The following GPR137B variants were observed in gnomAD, a reference collection of about 807,000 sequenced individuals.
The protein encoded by GPR137B is G protein-coupled receptor 137B.
Under a neutral mutation model 42.5 loss-of-function variants are expected in GPR137B, and 42 were observed. The ratio of observed to expected loss-of-function variants is 0.99; its 90% CI spans 0.77 to 1.28. GPR137B has a LOEUF of 1.28. Among genes scored for constraint, GPR137B ranks in the 50% most tolerant of loss-of-function variants. The pLI, the probability that GPR137B is intolerant of heterozygous loss-of-function variation, is 0.00. For missense variants in GPR137B, 487 were observed against 493.9 expected, an observed-to-expected ratio of 0.99 and a Z score of 0.13; for synonymous variants, 218 against 209.7, an observed-to-expected ratio of 1.04 and a Z score of -0.34.
intron 1 of GPR137B, among the ~76,000 whole-genome samples, chr1:236,153,944 G>A (rs753313659): frequency 2.6e-5 from 4 of 152,218 alleles, no homozygotes; most frequent in Non-Finnish European, 4.4e-5. Context: ...GATGGCTGTG[G>A]AGGGAACTTC....
At chr1:236,154,810 G>A (rs554127919) in intron 1 of GPR137B, among the ~76,000 whole-genome samples, 1 of 152,240 alleles carries the variant, frequency 6.6e-6, no homozygotes, top group Non-Finnish European at 1.5e-5. Context: ...ACGATGGTAC[G>A]ACACTGCACA....
chr1:236,157,001 G>T (rs1334224405), intron 1 of GPR137B, among the ~76,000 whole-genome samples: 1 of 152,192 alleles, frequency 6.6e-6, no homozygotes, highest in Non-Finnish European at 1.5e-5. Context: ...AGGGGTTGCA[G>T]CCACCCACGT....
chr1:236,163,895 A>ACACCGCCTCACG, intron 1 of GPR137B, among the ~76,000 whole-genome samples: 1 of 149,516 alleles, frequency 6.7e-6, no homozygotes, highest in African/African-American at 2.5e-5. Context: ...ACTGCCTCAC[A>ACACCGCCTCACG]CTTCCCACAC....
chr1:236,208,317 C>CTGAT lies in GPR137B; in HGVS notation c.*160_*163dup, dbSNP rs1663726563. On this transcript the variant is annotated 3_prime_UTR_variant, in exon 7 of 7. Transcript: ENST00000366592. ...CCATAGGAATAAGCAATAATGTAGA[C>CTGAT]TGATAAACCCTTATTTTAGTACTAA... The CTGAT allele has an allele frequency of 3.6e-6, 5 of 1,386,666 alleles. No homozygotes were observed. The highest frequency in any genetic ancestry group is 4.7e-6 in the Non-Finnish European group (5 of 1,070,564). The allele number at this position is 1,386,666 out of a possible 1,614,324, so 85.9% of individuals were successfully genotyped here.
chr1:236,149,173 T>C (rs937876321), intron 1 of GPR137B, among the ~76,000 whole-genome samples: 1 of 152,148 alleles, frequency 6.6e-6, no homozygotes, highest in Non-Finnish European at 1.5e-5. Flanking sequence ...CAAAATTACT[T>C]TTCCACCAAA....
chr1:236,177,141 T>C (rs1457922180), intron 2 of GPR137B, among the ~76,000 whole-genome samples: 1 of 152,006 alleles, frequency 6.6e-6, no homozygotes, highest in African/African-American at 2.4e-5. Context: ...TGCCAGTGGG[T>C]AAATTATTAA....
chr1:236,174,316 C>T (rs146400459), intron 2 of GPR137B, among the ~76,000 whole-genome samples: 8 of 152,266 alleles, frequency 5.3e-5, no homozygotes, highest in Admixed American at 4.6e-4. Flanking sequence ...AGGTTCCAGG[C>T]AGAAAAGTCA....
At chr1:236,207,992 C>T in intron 6 of GPR137B, 58 bp from the exon 7 acceptor site, 2 of 1,238,646 alleles carry the variant, frequency 1.6e-6, no homozygotes. Context: ...CTAAACTAGA[C>T]TATGTCATAC....
intron 1 of GPR137B, among the ~76,000 whole-genome samples, chr1:236,154,870 C>T (rs564305854): frequency 1.5e-4 from 23 of 152,314 alleles, no homozygotes; most frequent in Admixed American, 4.6e-4. Context: ...AGTGGGCCAG[C>T]GCTGGCCACC....
intron 2 of GPR137B, among the ~76,000 whole-genome samples, chr1:236,174,551 G>A (rs1047081278): frequency 2.0e-5 from 3 of 152,152 alleles, no homozygotes; most frequent in Admixed American, 6.6e-5. Flanking sequence ...TGGATAGAGT[G>A]GGAATGAAGA....
intron 3 of GPR137B, among the ~76,000 whole-genome samples, chr1:236,178,944 C>T (rs1662786874): frequency 6.6e-6 from 1 of 151,194 alleles, no homozygotes; most frequent in Non-Finnish European, 1.5e-5. Flanking sequence ...ACTACAGGCA[C>T]CCACCACTAC....
chr1:236,196,831 C>T (rs1225540180), intron 5 of GPR137B, among the ~76,000 whole-genome samples: 1 of 152,080 alleles, frequency 6.6e-6, no homozygotes, highest in Non-Finnish European at 1.5e-5. Flanking sequence ...TATATATATA[C>T]CATTTTTCTT....
At chr1:236,143,562 A>G (rs1260649793) in intron 1 of GPR137B, among the ~76,000 whole-genome samples, 3 of 152,220 alleles carry the variant, frequency 2.0e-5, no homozygotes, top group Non-Finnish European at 4.4e-5. Context: ...CCTCCGGCTT[A>G]GGAGCTCTAC....
At chr1:236,198,299 G>C (rs1663397560) in intron 5 of GPR137B, among the ~76,000 whole-genome samples, 1 of 151,990 alleles carries the variant, frequency 6.6e-6, no homozygotes, top group African/African-American at 2.4e-5. Context: ...GTGCCTCCCA[G>C]GTTCAAGTAA....
chr1:236,153,244 A>G (rs1376984862), intron 1 of GPR137B, among the ~76,000 whole-genome samples: 1 of 152,064 alleles, frequency 6.6e-6, no homozygotes, highest in South Asian at 2.1e-4. Context: ...ATCACCCCCA[A>G]AGGAAACTTT....
chr1:236,145,078 G>A (rs956919025), intron 1 of GPR137B, among the ~76,000 whole-genome samples: 2 of 152,204 alleles, frequency 1.3e-5, no homozygotes, highest in African/African-American at 4.8e-5. Flanking sequence ...AAGGCTTTTC[G>A]CCTGAGGGCA....
chr1:236,157,557 C>T (rs1038619518), intron 1 of GPR137B, among the ~76,000 whole-genome samples: 2 of 152,176 alleles, frequency 1.3e-5, no homozygotes, highest in African/African-American at 4.8e-5. Flanking sequence ...CTGTGTCCCT[C>T]TGTCAGAGAG....
chr1:236,173,997 A>G (rs1350032995), intron 2 of GPR137B, among the ~76,000 whole-genome samples: 2 of 152,202 alleles, frequency 1.3e-5, no homozygotes, highest in African/African-American at 4.8e-5. Flanking sequence ...GAAAGCAAGC[A>G]AGTCCACTGA....
chr1:236,207,209 T>G, intron 6 of GPR137B: 2 of 985,070 alleles, frequency 2.0e-6, no homozygotes, highest in Non-Finnish European at 2.4e-6. Context: ...CCTGGTCAGA[T>G]AGGATAAAAG....
Sources: gnomAD v4.1 joint callset for allele counts (sites outside exome capture counted in the v4.1 genomes callset) on GRCh38, gnomAD v4.1.1 for gene constraint, MANE v1.5 for transcripts, NCBI Gene and HGNC (gene_info 2026-07-23, HGNC 2026-07-21) for gene names.